SLC25A26: variants seen among roughly 807,000 people sequenced by gnomAD.
The protein encoded by SLC25A26 is mitochondrial S-adenosylmethionine carrier protein.
A neutral mutation model predicts 37.8 loss-of-function variants in SLC25A26; 36 were observed. The observed-to-expected ratio is 0.95, with a 90% CI of 0.73 to 1.26. The LOEUF is 1.26. Among genes scored for constraint, SLC25A26 ranks in the 50% most tolerant of loss-of-function variants. The probability of loss-of-function intolerance (pLI) is 0.00; values close to 1 mark genes in which losing one functional copy is unlikely to be tolerated. For missense variants in SLC25A26, 390 were observed against 331.1 expected, an observed-to-expected ratio of 1.18 and a Z score of -1.38; for synonymous variants, 129 against 122.5, an observed-to-expected ratio of 1.05 and a Z score of -0.35.
At chr3:66,238,972 T>A (rs144010425) in intron 2 of SLC25A26, among the ~76,000 whole-genome samples, 20,893 of 152,170 alleles carry the variant, frequency 0.14, 1,631 homozygotes, top group East Asian at 0.31. Context: ...AAATGATTCT[T>A]TATGGTACCA....
At chr3:66,218,117 T>C (rs1204138140), upstream of SLC25A26, among the ~76,000 whole-genome samples, 3 of 152,016 alleles carry the variant, frequency 2.0e-5, no homozygotes, top group African/African-American at 7.2e-5. Context: ...TCTTTTTTTT[T>C]TCACATAGCA....
chr3:66,254,878 A>G (rs2073239557), intron 3 of SLC25A26, among the ~76,000 whole-genome samples: 1 of 152,250 alleles, frequency 6.6e-6, no homozygotes, highest in Non-Finnish European at 1.5e-5. Context: ...AGTTGCGAAG[A>G]AGATGTAATG....
At chr3:66,169,084 T>A (rs2070461793) in intron 1 of SLC25A26, among the ~76,000 whole-genome samples, 1 of 152,188 alleles carries the variant, frequency 6.6e-6, no homozygotes, top group Non-Finnish European at 1.5e-5. Context: ...ATGATCGCAT[T>A]ACTGCTATCC....
At chr3:66,160,652 G>A (rs2070344567) in intron 1 of SLC25A26, among the ~76,000 whole-genome samples, 1 of 152,084 alleles carries the variant, frequency 6.6e-6, no homozygotes, top group Admixed American at 6.5e-5. Context: ...GTAATTAAAG[G>A]ATCTGGGGAT....
At chr3:66,289,416 G>T (rs1038866421) in intron 5 of SLC25A26, among the ~76,000 whole-genome samples, 2 of 152,160 alleles carry the variant, frequency 1.3e-5, no homozygotes, top group Admixed American at 6.5e-5. Flanking sequence ...GTCCTGAATG[G>T]TATTGCCTAG....
intron 1 of SLC25A26, among the ~76,000 whole-genome samples, chr3:66,192,334 A>AAGAG (rs1553653584): frequency 2.0e-5 from 3 of 150,460 alleles, no homozygotes; most frequent in African/African-American, 7.4e-5. Context: ...AAAAAAAAAA[A>AAGAG]AGAGAGAGAA....
At chr3:66,225,016 G>A (rs1439636193) in intron 1 of SLC25A26, among the ~76,000 whole-genome samples, 1 of 152,172 alleles carries the variant, frequency 6.6e-6, no homozygotes, top group African/African-American at 2.4e-5. Flanking sequence ...CCTCCTGGCT[G>A]TTTTCATGGG....
rs539799173 is a variant in SLC25A26, at chr3:66,273,836, T to A, written c.453+10457T>A. On this transcript the variant is annotated intron_variant, in intron 5 of 9. Coordinates refer to ENST00000354883, the MANE Select transcript of SLC25A26 (RefSeq NM_001379210.1). ...ATGGCCATACTGCCCAAGGTAATTT[T>A]TAGATTCAATGCCATCCCCATCAAG... 1.6e-4 allele frequency among the ~76,000 whole-genome samples: 24 copies of A among 151,834 alleles called. 1 individual carries two copies. In the South Asian group the frequency reaches 1.9e-3, roughly 12 times the overall value.
intron 1 of SLC25A26, among the ~76,000 whole-genome samples, chr3:66,152,139 T>C (rs376130787): frequency 1.3e-5 from 2 of 152,174 alleles, no homozygotes; most frequent in South Asian, 2.1e-4. Flanking sequence ...AAAATTTTGA[T>C]GTTTGTACCA....
At chr3:66,329,776 T>C (rs2075926958) in intron 5 of SLC25A26, among the ~76,000 whole-genome samples, 1 of 152,184 alleles carries the variant, frequency 6.6e-6, no homozygotes, top group Non-Finnish European at 1.5e-5. Context: ...TCCATCACTG[T>C]TACCTCGAAC....
intron 5 of SLC25A26, among the ~76,000 whole-genome samples, chr3:66,308,908 T>G (rs138795420): frequency 0.042 from 6,387 of 152,254 alleles, 430 homozygotes; most frequent in African/African-American, 0.14. Context: ...GTGGATAAGC[T>G]TTTTGATGTG....
At chr3:66,190,357 G>C (rs2070915714) in intron 1 of SLC25A26, among the ~76,000 whole-genome samples, 1 of 151,920 alleles carries the variant, frequency 6.6e-6, no homozygotes, top group South Asian at 2.1e-4. Flanking sequence ...CTGCAGTTGA[G>C]AAAAATGTGT....
chr3:66,377,291 CGTT>C (rs1247356534), intron 9 of SLC25A26, among the ~76,000 whole-genome samples: 4 of 152,110 alleles, frequency 2.6e-5, no homozygotes, highest in African/African-American at 4.8e-5. Context: ...AGGTTCAACT[CGTT>C]GTCGTGACGT....
intron 5 of SLC25A26, among the ~76,000 whole-genome samples, chr3:66,276,977 C>CA (rs1353805169): frequency 4.1e-5 from 6 of 146,942 alleles, no homozygotes; most frequent in African/African-American, 1.5e-4. Flanking sequence ...AAAAAAGGTT[C>CA]AAATTAGAAA....
chr3:66,176,058 C>G (rs1264490984), intron 1 of SLC25A26, among the ~76,000 whole-genome samples: 1 of 152,084 alleles, frequency 6.6e-6, no homozygotes, highest in East Asian at 1.9e-4. Flanking sequence ...CATCAATGCA[C>G]TTGATCCTTT....
chr3:66,195,768 A>G (rs2071035898), intron 1 of SLC25A26, among the ~76,000 whole-genome samples: 1 of 152,262 alleles, frequency 6.6e-6, no homozygotes, highest in Non-Finnish European at 1.5e-5. Context: ...GTTGAAGAAT[A>G]TGCAAAAAGC....
At chr3:66,273,620 G>T (rs2074032132) in intron 5 of SLC25A26, among the ~76,000 whole-genome samples, 1 of 152,126 alleles carries the variant, frequency 6.6e-6, no homozygotes, top group African/African-American at 2.4e-5. Context: ...TAGACAGAGA[G>T]CCAAATCATG....
intron 1 of SLC25A26, among the ~76,000 whole-genome samples, chr3:66,229,077 G>A (rs1255345123): frequency 6.6e-6 from 1 of 152,134 alleles, no homozygotes; most frequent in Admixed American, 6.5e-5. Flanking sequence ...CTTTTGCGTG[G>A]TTTTTAGTAT....
intron 5 of SLC25A26, among the ~76,000 whole-genome samples, chr3:66,309,626 T>G (rs2075321117): frequency 6.6e-6 from 1 of 152,250 alleles, no homozygotes; most frequent in South Asian, 2.1e-4. Flanking sequence ...TTTCCCACTT[T>G]CGCCTGTGTG....
Sources: allele counts gnomAD v4.1 joint callset (sites outside exome capture counted in the v4.1 genomes callset), GRCh38; gene constraint gnomAD v4.1.1; transcripts MANE v1.5; gene names NCBI Gene and HGNC (gene_info 2026-07-23, HGNC 2026-07-21).